The following HORMAD2 variants were observed in gnomAD, a reference collection of about 807,000 sequenced individuals.
The protein encoded by HORMAD2 is HORMA domain-containing protein 2.
HORMAD2 carries 45 observed loss-of-function variants against 38.8 expected under a neutral mutation model. That is an observed-to-expected ratio of 1.16 (90% CI 0.91 to 1.49). HORMAD2 has a LOEUF of 1.49. HORMAD2 is among the 40% of genes most tolerant of loss of function. HORMAD2 has a pLI of 0.00. For missense variants in HORMAD2, 338 were observed against 367.0 expected (o/e 0.92, Z 0.65); for synonymous variants, 126 against 122.8 (o/e 1.03, Z -0.17).
intron 2 of HORMAD2, among the ~76,000 whole-genome samples, chr22:30,096,252 C>T (rs960934141): frequency 2.0e-5 from 3 of 152,134 alleles, no homozygotes; most frequent in Non-Finnish European, 4.4e-5. Context: ...TACTCTAATT[C>T]ATGTCCTATA....
intron 10 of HORMAD2, among the ~76,000 whole-genome samples, chr22:30,161,896 T>C (rs1925463059): frequency 1.3e-5 from 2 of 152,190 alleles, no homozygotes; most frequent in Non-Finnish European, 2.9e-5. Context: ...ATAAACACAC[T>C]GATATGAAAC....
intron 7 of HORMAD2, among the ~76,000 whole-genome samples, chr22:30,113,896 T>C (rs1467553505): frequency 6.6e-6 from 1 of 152,224 alleles, no homozygotes; most frequent in East Asian, 1.9e-4. Context: ...TTCTATCTTT[T>C]ATTTCTTTGT....
At chr22:30,154,097 TC>T (rs1439649628) in intron 10 of HORMAD2, among the ~76,000 whole-genome samples, 2 of 152,190 alleles carry the variant, frequency 1.3e-5, no homozygotes, top group Non-Finnish European at 2.9e-5. Context: ...TCTTTCAATT[TC>T]CCCTTACTTC....
intron 10 of HORMAD2, among the ~76,000 whole-genome samples, chr22:30,127,891 C>G (rs1199953762): frequency 1.3e-5 from 2 of 152,188 alleles, no homozygotes; most frequent in Non-Finnish European, 2.9e-5. Flanking sequence ...TTTCTACATT[C>G]TTTTGGTACA....
intron 10 of HORMAD2, among the ~76,000 whole-genome samples, chr22:30,134,277 T>G (rs564749621): frequency 2.6e-4 from 39 of 151,534 alleles, no homozygotes; most frequent in Admixed American, 2.4e-3. Flanking sequence ...CGGATGCTTG[T>G]AATCCCAACT....
chr22:30,170,949 C>A (rs1208596844), intron 10 of HORMAD2, among the ~76,000 whole-genome samples: 1 of 152,178 alleles, frequency 6.6e-6, no homozygotes, highest in Non-Finnish European at 1.5e-5. Context: ...CTTCCTTGCC[C>A]TCTCAGCAAC....
At chr22:30,132,539 CAA>C (rs11384913) in intron 10 of HORMAD2, among the ~76,000 whole-genome samples, 1 of 129,724 alleles carries the variant, frequency 7.7e-6, no homozygotes, top group Admixed American at 7.7e-5. Context: ...GACTCCGTCT[CAA>C]AAAAAAAAAA....
chr22:30,101,739 G>T (rs56406718), intron 3 of HORMAD2, among the ~76,000 whole-genome samples: 11,845 of 152,110 alleles, frequency 0.078, 539 homozygotes, highest in African/African-American at 0.092. Flanking sequence ...TGTATTTAAT[G>T]ATATACCTTG....
At position 30,109,528 on chromosome 22, in the gene HORMAD2, G is replaced by C. The variant is rs1234169154; in HGVS notation, c.295-2268G>C. 4.6e-5 allele frequency among the ~76,000 whole-genome samples: 7 copies of C among 151,044 alleles called. No homozygotes were observed. In the East Asian group the frequency reaches 1.4e-3, roughly 30 times the overall value. On this transcript the variant is annotated intron_variant, in intron 5 of 10. Coordinates refer to ENST00000336726, the MANE Select transcript of HORMAD2 (RefSeq NM_152510.4). ...GATGGCATCTTACCATGTTTCCCAG[G>C]CTGGCTTTGAACTCCTGGGTTCAAA...
At position 30,093,458 on chromosome 22, in the gene HORMAD2, T is replaced by C. The variant is rs981429692; in HGVS notation, c.-37-458T>C. Among the ~76,000 whole-genome samples, 4 of 152,288 alleles carry C rather than the reference T, an allele frequency of 2.6e-5. No homozygotes were observed. In the East Asian group the frequency reaches 7.7e-4, roughly 29 times the overall value. On this transcript the variant is annotated intron_variant, in intron 1 of 10. Transcript: ENST00000336726. ...TAATATATATTGAGTCTCTAGGTGA[T>C]TTACAATGTATTTTCTCCTCTGAAT...
intron 10 of HORMAD2, among the ~76,000 whole-genome samples, chr22:30,146,314 A>G (rs1924412531): frequency 6.6e-6 from 1 of 152,062 alleles, no homozygotes; most frequent in Non-Finnish European, 1.5e-5. Flanking sequence ...AACATGGTGA[A>G]ACCCCATCTC....
intron 10 of HORMAD2, among the ~76,000 whole-genome samples, chr22:30,162,412 C>T (rs1925503649): frequency 6.6e-6 from 1 of 151,810 alleles, no homozygotes; most frequent in Non-Finnish European, 1.5e-5. Flanking sequence ...TGAAATGTGG[C>T]TAGTTTGAAT....
chr22:30,154,512 C>G (rs1601581659), intron 10 of HORMAD2, among the ~76,000 whole-genome samples: 1 of 152,138 alleles, frequency 6.6e-6, no homozygotes, highest in Non-Finnish European at 1.5e-5. Context: ...TTACTGTCAT[C>G]TAACCCTCAG....
At position 30,129,020 on chromosome 22, in the gene HORMAD2, C is replaced by T. The variant is rs543899280; in HGVS notation, c.819+6806C>T. 6.6e-5 allele frequency among the ~76,000 whole-genome samples: 10 copies of T among 152,006 alleles called. No individual in the cohort carries two copies. In the East Asian group the frequency reaches 1.9e-3, roughly 29 times the overall value. On this transcript the variant is annotated intron_variant, in intron 10 of 10. Transcript: ENST00000336726. ...ACAAGGTCAGGAGATCGAGGCCGTC[C>T]GTCCTGGCTAACACAGTGAAACCCT...
chr22:30,134,491 G>A lies in HORMAD2; in HGVS notation c.819+12277G>A, dbSNP rs1039820321. 1.1e-4 allele frequency among the ~76,000 whole-genome samples: 17 copies of A among 148,098 alleles called. 3 individuals carry two copies. The Admixed American group carries it at 1.2e-3, about 10-fold the overall frequency. ...TATATATATACAATTAACACTAACA[G>A]GTCTGCCAAATCCAGGAGAAAATGA... On this transcript the variant is annotated intron_variant, in intron 10 of 10. Coordinates refer to ENST00000336726, the MANE Select transcript of HORMAD2 (RefSeq NM_152510.4).
the HORMAD2 span, among the ~76,000 whole-genome samples, chr22:30,187,501 T>TTGTGTG: frequency 8.3e-4 from 123 of 147,766 alleles, no homozygotes; most frequent in South Asian, 0.012. Context: ...TATATTTCCT[T>TTGTGTG]TGTGTGTGTG....
intron 10 of HORMAD2, among the ~76,000 whole-genome samples, chr22:30,169,764 C>T (rs936282208): frequency 6.6e-6 from 1 of 152,170 alleles, no homozygotes; most frequent in African/African-American, 2.4e-5. Context: ...CCACCATTTT[C>T]CCACCTCTCA....
chr22:30,114,404 T>C (rs551942730), intron 7 of HORMAD2, among the ~76,000 whole-genome samples: 2 of 152,306 alleles, frequency 1.3e-5, no homozygotes, highest in African/African-American at 2.4e-5. Flanking sequence ...GGTATAGCAA[T>C]GTTCATAGGG....
At chr22:30,129,825 G>A (rs1923153210) in intron 10 of HORMAD2, among the ~76,000 whole-genome samples, 1 of 152,084 alleles carries the variant, frequency 6.6e-6, no homozygotes, top group Non-Finnish European at 1.5e-5. Flanking sequence ...TGGTGATTTT[G>A]TGGATGAATC....
Sources: gnomAD v4.1 joint callset for allele counts (sites outside exome capture counted in the v4.1 genomes callset) on GRCh38, gnomAD v4.1.1 for gene constraint, MANE v1.5 for transcripts, NCBI Gene and HGNC (gene_info 2026-07-23, HGNC 2026-07-21) for gene names.